TTC29: variants seen among roughly 807,000 people sequenced by gnomAD.
The protein encoded by TTC29 is tetratricopeptide repeat domain 29.
Under a neutral mutation model 58.1 loss-of-function variants are expected in TTC29, and 49 were observed. That is an observed-to-expected ratio of 0.84 (90% CI 0.67 to 1.07). The LOEUF is 1.07. TTC29 is among the 50% of genes least tolerant of loss of function. The pLI, the probability that TTC29 is intolerant of heterozygous loss-of-function variation, is 0.00. For missense variants in TTC29, 582 were observed against 555.6 expected (o/e 1.05, Z -0.48); for synonymous variants, 209 against 196.8 (o/e 1.06, Z -0.52).
At chr4:146,738,726 C>T (rs559040872) in intron 11 of TTC29, among the ~76,000 whole-genome samples, 3 of 152,254 alleles carry the variant, frequency 2.0e-5, no homozygotes, top group Admixed American at 6.5e-5. Context: ...AGACTCTAAT[C>T]TTACCCAGCC....
intron 8 of TTC29, among the ~76,000 whole-genome samples, chr4:146,839,535 C>CAT (rs144855158): frequency 9.2e-5 from 13 of 140,562 alleles, no homozygotes; most frequent in African/African-American, 3.4e-4. Flanking sequence ...TACATGAACT[C>CAT]GTGTGTGTGT....
intron 5 of TTC29, 114 bp downstream of exon 5, chr4:146,908,912 G>T: frequency 2.3e-6 from 2 of 864,460 alleles, no homozygotes; most frequent in Non-Finnish European, 3.7e-6. Flanking sequence ...CTGGGTTGAA[G>T]TGTGCTAAGT....
At chr4:146,776,609 A>G (rs1050845640) in intron 11 of TTC29, among the ~76,000 whole-genome samples, 1 of 152,122 alleles carries the variant, frequency 6.6e-6, no homozygotes, top group Non-Finnish European at 1.5e-5. Flanking sequence ...TGGACCCCCA[A>G]CTTTGTTCTC....
At chr4:146,763,198 C>CT (rs889684996) in intron 11 of TTC29, among the ~76,000 whole-genome samples, 6 of 151,752 alleles carry the variant, frequency 4.0e-5, no homozygotes, top group Admixed American at 6.6e-5. Context: ...CTGATGTTTC[C>CT]TTTTTTTTCC....
At chr4:146,861,158 A>T (rs567951197) in intron 8 of TTC29, among the ~76,000 whole-genome samples, 1 of 152,328 alleles carries the variant, frequency 6.6e-6, no homozygotes, top group African/African-American at 2.4e-5. Context: ...AAATTCATAC[A>T]TAAAAACGAA....
intron 11 of TTC29, among the ~76,000 whole-genome samples, chr4:146,743,872 G>T (rs1271399441): frequency 6.6e-6 from 1 of 152,172 alleles, no homozygotes; most frequent in Non-Finnish European, 1.5e-5. Context: ...TTACAAATTG[G>T]AGCTAGTGGG....
intron 8 of TTC29, among the ~76,000 whole-genome samples, chr4:146,850,365 A>G (rs971428968): frequency 1.1e-4 from 17 of 152,230 alleles, no homozygotes; most frequent in African/African-American, 4.1e-4. Context: ...TCTGGCTTCA[A>G]AGACAGCATA....
At chr4:146,782,822 C>T (rs1339073303) in intron 11 of TTC29, among the ~76,000 whole-genome samples, 1 of 151,738 alleles carries the variant, frequency 6.6e-6, no homozygotes, top group African/African-American at 2.4e-5. Context: ...AAATAAAAGC[C>T]CAAAGGCAAG....
intron 8 of TTC29, among the ~76,000 whole-genome samples, chr4:146,857,345 G>A (rs1250171473): frequency 1.3e-5 from 2 of 150,066 alleles, no homozygotes; most frequent in Admixed American, 6.8e-5. Flanking sequence ...ACAGTTGGGG[G>A]AAATGGGATC....
At chr4:146,737,590 T>TTG (rs1176250898) in intron 11 of TTC29, among the ~76,000 whole-genome samples, 1 of 93,976 alleles carries the variant, frequency 1.1e-5, no homozygotes, top group South Asian at 4.7e-4. Context: ...CTAGTAGCCC[T>TTG]GGGGGGGGGG....
At chr4:146,833,582 A>G (rs1728308306) in intron 9 of TTC29, among the ~76,000 whole-genome samples, 1 of 152,228 alleles carries the variant, frequency 6.6e-6, no homozygotes, top group Admixed American at 6.5e-5. Flanking sequence ...ACAGAAAACC[A>G]AAAAGAAAAT....
At chr4:146,828,758 C>A (rs1169095450) in intron 9 of TTC29, among the ~76,000 whole-genome samples, 1 of 152,086 alleles carries the variant, frequency 6.6e-6, no homozygotes, top group African/African-American at 2.4e-5. Context: ...ACAAAATTAT[C>A]TGGAACTTGC....
chr4:146,802,226 T>A (rs1216312579), intron 11 of TTC29, among the ~76,000 whole-genome samples: 6 of 152,112 alleles, frequency 3.9e-5, no homozygotes, highest in Admixed American at 3.3e-4. Flanking sequence ...TCTGCATTGT[T>A]TTCTGCCATT....
chr4:146,827,571 G>A (rs938878061), intron 9 of TTC29, among the ~76,000 whole-genome samples: 4 of 152,138 alleles, frequency 2.6e-5, no homozygotes, highest in African/African-American at 4.8e-5. Flanking sequence ...AAAGATGTAC[G>A]TTTGAATCTC....
intron 10 of TTC29, among the ~76,000 whole-genome samples, chr4:146,817,890 C>G (rs1418689157): frequency 6.6e-6 from 1 of 152,158 alleles, no homozygotes; most frequent in South Asian, 2.1e-4. Context: ...ATGTAGAAAG[C>G]TGAAACTGGA....
chr4:146,934,961 C>A (rs1490939989), intron 4 of TTC29, among the ~76,000 whole-genome samples: 2 of 152,044 alleles, frequency 1.3e-5, no homozygotes, highest in Non-Finnish European at 2.9e-5. Flanking sequence ...ATTAAGACAG[C>A]ACTTTTCTTG....
intron 4 of TTC29, among the ~76,000 whole-genome samples, chr4:146,921,705 AT>A (rs1734592640): frequency 6.6e-6 from 1 of 151,142 alleles, no homozygotes; most frequent in African/African-American, 2.4e-5. Context: ...ATCGATTTTA[AT>A]TTTTTTCAGA....
At chr4:146,829,217 G>T (rs1339559670) in intron 9 of TTC29, among the ~76,000 whole-genome samples, 1 of 152,190 alleles carries the variant, frequency 6.6e-6, no homozygotes, top group Non-Finnish European at 1.5e-5. Context: ...GTGTATCAAG[G>T]TGATTCCAGT....
intron 11 of TTC29, among the ~76,000 whole-genome samples, chr4:146,712,916 C>T (rs1433544406): frequency 6.6e-6 from 1 of 151,994 alleles, no homozygotes; most frequent in Non-Finnish European, 1.5e-5. Flanking sequence ...TAGAGTGTCA[C>T]AGTTGTCAGA....
Sources: allele counts gnomAD v4.1 joint callset (sites outside exome capture counted in the v4.1 genomes callset), GRCh38; gene constraint gnomAD v4.1.1; transcripts MANE v1.5; gene names NCBI Gene and HGNC (gene_info 2026-07-23, HGNC 2026-07-21).